PARD3: variants seen among roughly 807,000 people sequenced by gnomAD.
PARD3 encodes the protein par-3 family cell polarity regulator.
A neutral mutation model predicts 155.4 loss-of-function variants in PARD3; 75 were observed. The observed-to-expected ratio is 0.48, with a 90% CI of 0.40 to 0.58. PARD3 has a LOEUF of 0.58. Among genes scored for constraint, PARD3 ranks in the 20% least tolerant of loss-of-function variants. PARD3 has a pLI of 0.00. For synonymous variants in PARD3, 576 were observed against 610.5 expected (o/e 0.94, Z 0.83); for missense variants, 1,642 against 1,721.7 (o/e 0.95, Z 0.82).
At position 34,480,935 on chromosome 10, in the gene PARD3, G is replaced by A. The variant is rs571205406; in HGVS notation, c.404-10672C>T. ...TCCTGCCTCATCCTCCCAAGTAGCT[G>A]GGATTACAGGTGCCTGCCACCACAT... On this transcript the variant is annotated intron_variant, in intron 3 of 24. Coordinates refer to ENST00000374788, the MANE Select transcript of PARD3 (RefSeq NM_001184785.2). Among the ~76,000 whole-genome samples, 104 of 151,500 alleles carry A rather than the reference G, an allele frequency of 6.9e-4. 1 individual carries two copies. In the South Asian group the frequency reaches 7.9e-3, roughly 12 times the overall value.
chr10:34,225,725 CA>C (rs1952566063), intron 22 of PARD3, among the ~76,000 whole-genome samples: 2 of 152,082 alleles, frequency 1.3e-5, no homozygotes, highest in Admixed American at 1.3e-4. Flanking sequence ...ATCTCATATA[CA>C]AAAATTATCT....
chr10:34,600,868 G>A (rs1194321009), intron 2 of PARD3, among the ~76,000 whole-genome samples: 2 of 151,836 alleles, frequency 1.3e-5, no homozygotes, highest in Non-Finnish European at 2.9e-5. Flanking sequence ...CTTACTGCAG[G>A]CTTGACCTCT....
chr10:34,351,136 T>C (rs10763981), intron 14 of PARD3, among the ~76,000 whole-genome samples: 90,731 of 152,110 alleles, frequency 0.6, 29,048 homozygotes, highest in African/African-American at 0.85. Context: ...TGTATCCCAC[T>C]ATCTCCACTA....
rs570077680 is a variant in PARD3, at chr10:34,760,810, C to T, written c.120+54066G>A. 2.0e-5 allele frequency among the ~76,000 whole-genome samples: 3 copies of T among 152,264 alleles called. No individual in the cohort carries two copies. The South Asian group carries it at 6.2e-4, about 32-fold the overall frequency. On this transcript the variant is annotated intron_variant, in intron 1 of 24. Transcript: ENST00000374788. ...CCTGAATAAGCTTGGAAGCAGAATGCCCAGCCCTGCTCCAGCCTTCAGATG... is the reference window on the plus strand; with the variant it reads ...CCTGAATAAGCTTGGAAGCAGAATGTCCAGCCCTGCTCCAGCCTTCAGATG...
intron 20 of PARD3, chr10:34,312,421 G>A (rs755573260): frequency 2.3e-5 from 37 of 1,607,376 alleles, no homozygotes; most frequent in Non-Finnish European, 2.9e-5. Context: ...AGTTAGTACA[G>A]GTGAGGAAAG....
chr10:34,229,885 C>T (rs1952828354), intron 22 of PARD3, among the ~76,000 whole-genome samples: 2 of 152,056 alleles, frequency 1.3e-5, no homozygotes. Context: ...CCAATTTGTG[C>T]ATTTTAGTAC....
chr10:34,490,917 C>A (rs2079857671), intron 3 of PARD3, among the ~76,000 whole-genome samples: 1 of 152,126 alleles, frequency 6.6e-6, no homozygotes, highest in Non-Finnish European at 1.5e-5. Context: ...GGAAGAAGCC[C>A]AGGAATTACT....
intron 2 of PARD3, among the ~76,000 whole-genome samples, chr10:34,673,909 C>T (rs1043108620): frequency 2.0e-5 from 3 of 149,342 alleles, no homozygotes; most frequent in African/African-American, 7.4e-5. Context: ...CACTTGAACC[C>T]GGGAGGGAGA....
intron 1 of PARD3, among the ~76,000 whole-genome samples, chr10:34,811,370 C>T (rs905656993): frequency 1.3e-5 from 2 of 152,178 alleles, no homozygotes; most frequent in Admixed American, 6.5e-5. Context: ...TTATCAGAAT[C>T]GTAGCAGACA....
chr10:34,509,154 T>C (rs1213873088), intron 3 of PARD3, among the ~76,000 whole-genome samples: 2 of 152,016 alleles, frequency 1.3e-5, no homozygotes, highest in Admixed American at 6.6e-5. Flanking sequence ...CTCAAACTTA[T>C]CAAAATCTGG....
intron 22 of PARD3, among the ~76,000 whole-genome samples, chr10:34,205,973 T>TG (rs1382757219): frequency 1.3e-5 from 2 of 152,076 alleles, no homozygotes; most frequent in African/African-American, 2.4e-5. Flanking sequence ...GGGCAGCACC[T>TG]GTGGCTGTGT....
intron 2 of PARD3, among the ~76,000 whole-genome samples, chr10:34,570,341 A>T (rs1320230731): frequency 1.3e-5 from 2 of 152,158 alleles, no homozygotes; most frequent in Admixed American, 6.5e-5. Flanking sequence ...GAATTCTAAT[A>T]GTTAATTATT....
At chr10:34,405,079 A>AACAC (rs200596601) in intron 5 of PARD3, among the ~76,000 whole-genome samples, 2,615 of 59,342 alleles carry the variant, frequency 0.044, 64 homozygotes, top group Admixed American at 0.13. Flanking sequence ...CACAAACACA[A>AACAC]ACACACACAC....
intron 1 of PARD3, among the ~76,000 whole-genome samples, chr10:34,703,467 AAAAAAGAC>A (rs1337810758): frequency 6.6e-6 from 1 of 152,114 alleles, no homozygotes; most frequent in Non-Finnish European, 1.5e-5. Flanking sequence ...TTGGAAAAAA[AAAAAAGAC>A]AAAGAAGATA....
chr10:34,204,702 C>A (rs1396367550), intron 22 of PARD3, among the ~76,000 whole-genome samples: 3 of 143,906 alleles, frequency 2.1e-5, no homozygotes, highest in Non-Finnish European at 3.2e-5. Context: ...ACGTTACATT[C>A]CCCCCTACAA....
chr10:34,635,742 A>C (rs2092446576), intron 2 of PARD3, among the ~76,000 whole-genome samples: 1 of 152,228 alleles, frequency 6.6e-6, no homozygotes, highest in Non-Finnish European at 1.5e-5. Flanking sequence ...ACAAGTGAGC[A>C]CCTACCGGTA....
chr10:34,468,348 A>G (rs973603815), intron 4 of PARD3, among the ~76,000 whole-genome samples: 9 of 152,238 alleles, frequency 5.9e-5, no homozygotes, highest in Admixed American at 5.9e-4. Flanking sequence ...AAACGGACTC[A>G]CACATCCAAG....
intron 22 of PARD3, among the ~76,000 whole-genome samples, chr10:34,172,771 A>C (rs576463785): frequency 2.7e-5 from 4 of 150,866 alleles, no homozygotes; most frequent in South Asian, 2.1e-4. Context: ...CAAAAAAAAA[A>C]CCCACCCAAG....
rs565100763 is a variant in PARD3, at chr10:34,567,985, G to C, written c.223-50826C>G. Among the ~76,000 whole-genome samples the C allele has an allele frequency of 9.2e-5, 14 of 151,726 alleles. No homozygotes were observed. The South Asian group carries it at 2.9e-3, about 31-fold the overall frequency. The stretch of plus-strand genomic sequence containing the variant: ...AATCTAGTTTTGTCAATGGGATAAT[G>C]ACTGCTCATGGGCAGGTTAAGGAAC... On this transcript the variant is annotated intron_variant, in intron 2 of 24. Coordinates refer to ENST00000374788, the MANE Select transcript of PARD3 (RefSeq NM_001184785.2).
Sources: allele counts gnomAD v4.1 joint callset (sites outside exome capture counted in the v4.1 genomes callset), GRCh38; gene constraint gnomAD v4.1.1; transcripts MANE v1.5; gene names NCBI Gene and HGNC (gene_info 2026-07-23, HGNC 2026-07-21).